The following NKAIN2 variants were observed in gnomAD, a reference collection of about 807,000 sequenced individuals.
NKAIN2 encodes sodium/potassium-transporting ATPase subunit beta-1-interacting protein 2.
Under a neutral mutation model 32.6 loss-of-function variants are expected in NKAIN2, and 14 were observed. That is an observed-to-expected ratio of 0.43 (90% CI 0.28 to 0.67). The LOEUF is 0.67. Among genes scored for constraint, NKAIN2 ranks in the 30% least tolerant of loss-of-function variants. The pLI is 0.17. For synonymous variants in NKAIN2, 80 were observed against 87.2 expected (o/e 0.92, Z 0.46); for missense variants, 198 against 258.3 (o/e 0.77, Z 1.60).
chr6:124,454,732 A>G (rs1360872173), intron 3 of NKAIN2, among the ~76,000 whole-genome samples: 6 of 152,076 alleles, frequency 3.9e-5, no homozygotes, highest in Non-Finnish European at 8.8e-5. Context: ...TTGTGAGCCC[A>G]TGAGTGGAAG....
At chr6:123,901,617 G>A (rs947834880) in intron 1 of NKAIN2, among the ~76,000 whole-genome samples, 16 of 151,954 alleles carry the variant, frequency 1.1e-4, no homozygotes, top group Non-Finnish European at 2.2e-4. Context: ...TTTCCCTTCC[G>A]GCTCCCTCTG....
chr6:123,837,556 T>C (rs4897545), intron 1 of NKAIN2, among the ~76,000 whole-genome samples: 1 of 151,410 alleles, frequency 6.6e-6, no homozygotes, highest in African/African-American at 2.4e-5. Flanking sequence ...CTTTCCCTTT[T>C]GTAACTGTTT....
intron 1 of NKAIN2, among the ~76,000 whole-genome samples, chr6:124,114,849 T>C (rs1457044683): frequency 6.6e-6 from 1 of 152,108 alleles, no homozygotes; most frequent in East Asian, 1.9e-4. Context: ...TGCTTGAAGC[T>C]ATAATTATAT....
At chr6:124,813,952 T>G (rs545931466) in intron 5 of NKAIN2, among the ~76,000 whole-genome samples, 2 of 152,206 alleles carry the variant, frequency 1.3e-5, no homozygotes, top group Admixed American at 1.3e-4. Context: ...GAATATGCAG[T>G]AGTCTCTTTA....
intron 2 of NKAIN2, among the ~76,000 whole-genome samples, chr6:124,345,704 G>T (rs7755946): frequency 3.4e-5 from 5 of 148,054 alleles, no homozygotes; most frequent in Non-Finnish European, 7.6e-5. Context: ...TTTTTATTGC[G>T]TCTATTTGAT....
At chr6:124,733,368 A>G (rs557530489) in intron 4 of NKAIN2, among the ~76,000 whole-genome samples, 3 of 152,050 alleles carry the variant, frequency 2.0e-5, no homozygotes, top group Non-Finnish European at 2.9e-5. Context: ...GCAGACTGTG[A>G]CAAGAGAGTC....
chr6:124,134,937 C>T (rs540830058), intron 1 of NKAIN2, among the ~76,000 whole-genome samples: 23 of 152,140 alleles, frequency 1.5e-4, no homozygotes, highest in South Asian at 8.3e-4. Flanking sequence ...TCAGATTAAC[C>T]GCAGATTTCT....
intron 1 of NKAIN2, among the ~76,000 whole-genome samples, chr6:123,960,724 G>A (rs566455518): frequency 1.3e-5 from 2 of 151,862 alleles, no homozygotes; most frequent in East Asian, 3.9e-4. Context: ...GCAAATGTTT[G>A]TATGTGGTAG....
intron 1 of NKAIN2, among the ~76,000 whole-genome samples, chr6:124,250,558 A>G (rs1793650476): frequency 6.6e-6 from 1 of 152,064 alleles, no homozygotes; most frequent in African/African-American, 2.4e-5. Context: ...TCAATCTACT[A>G]AAAGATAACA....
intron 3 of NKAIN2, among the ~76,000 whole-genome samples, chr6:124,367,772 G>T (rs1315541833): frequency 6.6e-6 from 1 of 151,880 alleles, no homozygotes; most frequent in Non-Finnish European, 1.5e-5. Context: ...TGATAATTGC[G>T]CATAAACAAA....
rs1431184361 is a variant in NKAIN2 at position 124,002,616 on chromosome 6, A to G, written c.54+198362A>G. On this transcript the variant is annotated intron_variant, in intron 1 of 6. Transcript: ENST00000368417. ...CTATGATCTCCACCTTCTTTACTCT[A>G]TTTAAGGTAGTTGGAAACCTGGCCT... Among the ~76,000 whole-genome samples, 5 of 152,164 alleles carry G rather than the reference A, an allele frequency of 3.3e-5. No individual in the cohort carries two copies. In the East Asian group the frequency reaches 7.7e-4, roughly 24 times the overall value.
At chr6:124,670,660 T>C (rs932918246) in intron 4 of NKAIN2, among the ~76,000 whole-genome samples, 32 of 151,724 alleles carry the variant, frequency 2.1e-4, no homozygotes, top group African/African-American at 7.3e-4. Context: ...TGTGTGTGTG[T>C]GTGTGTGTGT....
At chr6:124,520,039 G>A (rs1469838780) in intron 3 of NKAIN2, among the ~76,000 whole-genome samples, 1 of 152,118 alleles carries the variant, frequency 6.6e-6, no homozygotes, top group African/African-American at 2.4e-5. Flanking sequence ...TCACAGACAA[G>A]TAAGTATCAA....
chr6:124,163,159 A>G (rs996356779), intron 1 of NKAIN2, among the ~76,000 whole-genome samples: 1 of 152,058 alleles, frequency 6.6e-6, no homozygotes, highest in African/African-American at 2.4e-5. Context: ...TGTGAATTAG[A>G]GTAAGTTAGA....
intron 5 of NKAIN2, among the ~76,000 whole-genome samples, chr6:124,811,937 G>A (rs1780919123): frequency 6.6e-6 from 1 of 152,110 alleles, no homozygotes; most frequent in Admixed American, 6.6e-5. Flanking sequence ...ACAAGGCAGA[G>A]ATTAAGAAAG....
intron 4 of NKAIN2, among the ~76,000 whole-genome samples, chr6:124,729,281 T>C (rs1776522155): frequency 6.7e-6 from 1 of 149,050 alleles, no homozygotes; most frequent in Non-Finnish European, 1.5e-5. Flanking sequence ...ACCAATATCC[T>C]TGATGAACAT....
intron 3 of NKAIN2, among the ~76,000 whole-genome samples, chr6:124,469,085 G>A (rs1776873522): frequency 6.6e-6 from 1 of 152,140 alleles, no homozygotes; most frequent in South Asian, 2.1e-4. Context: ...CATGTGAATG[G>A]TGCCCCTGGA....
chr6:123,964,469 C>T lies in NKAIN2; in HGVS notation c.54+160215C>T, dbSNP rs1391565841. ...ATCTGGATCAGGTATATAAAAACTT[C>T]CCTTAAAAGTGGTCTCTGCTATGCA... On this transcript the variant is annotated intron_variant, in intron 1 of 6. Transcript: ENST00000368417. This position sits in a 1 kb window ranked among gnomAD's most constrained non-coding sequence, Gnocchi z 4.0. Among the ~76,000 whole-genome samples the T allele has an allele frequency of 1.3e-5, 2 of 152,114 alleles. No individual in the cohort carries two copies. The highest frequency in any genetic ancestry group is 1.5e-5 in the Non-Finnish European group (1 of 68,024).
intron 3 of NKAIN2, among the ~76,000 whole-genome samples, chr6:124,638,783 C>G (rs1339950881): frequency 6.9e-6 from 1 of 144,372 alleles, no homozygotes; most frequent in East Asian, 2.1e-4. Context: ...CCCAGCTACT[C>G]GGGAGGCTGG....
Sources: allele counts gnomAD v4.1 joint callset (sites outside exome capture counted in the v4.1 genomes callset), GRCh38; gene constraint gnomAD v4.1.1; non-coding constraint Gnocchi (gnomAD v3.1); transcripts MANE v1.5; gene names NCBI Gene and HGNC (gene_info 2026-07-23, HGNC 2026-07-21).